Variants in KDM5A observed in about 807,000 individuals in gnomAD.
KDM5A encodes the protein lysine-specific demethylase 5A.
In KDM5A, 42 loss-of-function variants were observed where a neutral mutation model predicts 193.5. That is an observed-to-expected ratio of 0.22 (90% CI 0.17 to 0.28). KDM5A has a LOEUF of 0.28. Ranked by LOEUF, KDM5A falls within the 10% of genes least tolerant of loss-of-function variation. The pLI, the probability that KDM5A is intolerant of heterozygous loss-of-function variation, is 1.00. For synonymous variants in KDM5A, 796 were observed against 718.1 expected (o/e 1.11, Z -1.73); for missense variants, 1,692 against 2,055.1 (o/e 0.82, Z 3.42).
chr12:389,110 G>C lies in KDM5A; in HGVS notation c.-19C>G, dbSNP rs775709475. 2.2e-5 allele frequency: 35 copies of C among 1,602,744 alleles called. No homozygotes were observed. In the East Asian group the frequency reaches 2.7e-4, roughly 12 times the overall value. ...CCGCCATTGCAACGGCCGGGGGGGGGGGGGGGTCCCCGTGGGGAACCGGTG... is the reference window on the plus strand; with the variant it reads ...CCGCCATTGCAACGGCCGGGGGGGGCGGGGGGTCCCCGTGGGGAACCGGTG... On this transcript the variant is annotated 5_prime_UTR_variant, in exon 1 of 28. Coordinates refer to ENST00000399788, the MANE Select transcript of KDM5A (RefSeq NM_001042603.3).
At chr12:378,841 C>A (rs575477730) in intron 3 of KDM5A, among the ~76,000 whole-genome samples, 1 of 151,994 alleles carries the variant, frequency 6.6e-6, no homozygotes, top group South Asian at 2.1e-4. Flanking sequence ...CGCCTGTAGT[C>A]CCAGCTACGC....
At chr12:352,103 CAAAAAAAAAAAAAAA>C (rs58266653) in intron 9 of KDM5A, 87 bp downstream of exon 9, 15 of 378,764 alleles carry the variant, frequency 4.0e-5, no homozygotes, top group Middle Eastern at 4.8e-4. Context: ...GACTCCGTCT[CAAAAAAAAAAAAAAA>C]AAAAAAAAAA....
intron 24 of KDM5A, among the ~76,000 whole-genome samples, 160 bp from the exon 25 acceptor site, chr12:297,360 G>A (rs1404365315): frequency 6.6e-6 from 1 of 152,158 alleles, no homozygotes; most frequent in African/African-American, 2.4e-5. Flanking sequence ...AATGTCCATT[G>A]GGGAGAAAAA....
In KDM5A at chr12:322,565, A is replaced by T. The variant is rs1454842729; in HGVS notation, c.2278T>A (p.Leu760Met). 1 of 1,611,380 alleles carries T rather than the reference A, an allele frequency of 6.2e-7. No individual in the cohort carries two copies. Among genetic ancestry groups the T allele is most frequent in the Non-Finnish European group, 8.5e-7 (1 of 1,178,782 alleles). The change falls in exon 17 of 28, where the codon TTG becomes ATG. Residue 760 changes from leucine (L) to methionine (M), a missense_variant and splice_region_variant. This residue lies in a region of KDM5A where 965 missense variants were observed against 1,061.0 expected (regional missense o/e 0.91). Transcript: ENST00000399788. ...LSANFNHKKD[L>M]IELRVMLEDA... is the part of the protein sequence containing the mutation. Reference sequence around the variant, plus strand: ...TCCAGCATTACTCGCAATTCAATCAAATCTGTAAAAATTTAAATAAAGAGC... The same window carrying T: ...TCCAGCATTACTCGCAATTCAATCATATCTGTAAAAATTTAAATAAAGAGC...
chr12:330,272 T>C (rs1943850187), intron 13 of KDM5A, among the ~76,000 whole-genome samples: 1 of 152,110 alleles, frequency 6.6e-6, no homozygotes, highest in African/African-American at 2.4e-5. Context: ...CCACATAAAA[T>C]AGAAGTGATT....
intron 20 of KDM5A, among the ~76,000 whole-genome samples, chr12:311,991 A>C (rs868573611): frequency 6.6e-6 from 1 of 152,162 alleles, no homozygotes; most frequent in Non-Finnish European, 1.5e-5. Context: ...CCAAGATCAC[A>C]CCACTGCACT....
In KDM5A at chr12:378,734, G is replaced by A. The variant is rs377614124; in HGVS notation, c.366+5297C>T. 5.9e-5 allele frequency among the ~76,000 whole-genome samples: 9 copies of A among 152,160 alleles called. No homozygotes were observed. The South Asian group carries it at 8.3e-4, about 14-fold the overall frequency. On this transcript the variant is annotated intron_variant, in intron 3 of 27. Coordinates refer to ENST00000399788, the MANE Select transcript of KDM5A (RefSeq NM_001042603.3). ...AGCACTTTGGGAGGCCAAGGCGGGC[G>A]GATCACGAGGTCAGGAGATTGAGAC...
At position 285,518 on chromosome 12, in the gene KDM5A, G is replaced by A. The variant is rs758258839; in HGVS notation, c.5011C>T (p.Pro1671Ser). ...TAGCTCATTATGAAGGAAGGAGGTG[G>A]TGCTGGACCTGGGCTAACTGGCCCC... ...KQGPVSPGPA[P>S]PPSFIMSYKL... is the part of the protein sequence containing the mutation. The change falls in exon 28 of 28, where the codon CCA becomes TCA. Residue 1671 changes from proline (P) to serine (S), a missense_variant. Transcript: ENST00000399788. 2 of 1,614,052 alleles carry A rather than the reference G, an allele frequency of 1.2e-6. No individual in the cohort carries two copies. Among genetic ancestry groups the A allele is most frequent in the South Asian group, 1.1e-5 (1 of 91,080 alleles).
At chr12:302,661 T>C (rs549927260) in intron 24 of KDM5A, among the ~76,000 whole-genome samples, 2 of 152,084 alleles carry the variant, frequency 1.3e-5, no homozygotes, top group East Asian at 3.9e-4. Flanking sequence ...AAAGGCAAAA[T>C]AGACAAATGG....
At chr12:322,904 T>C (rs932037495) in intron 16 of KDM5A, among the ~76,000 whole-genome samples, 178 bp downstream of exon 16, 2 of 152,164 alleles carry the variant, frequency 1.3e-5, no homozygotes, top group Admixed American at 6.5e-5. Flanking sequence ...GCTTTTTCAT[T>C]TCAAACAAGA....
chr12:310,774 C>T lies in KDM5A; in HGVS notation c.3216+111G>A, dbSNP rs1054361427. On this transcript the variant is annotated intron_variant, in intron 21 of 27. Coordinates refer to ENST00000399788, the MANE Select transcript of KDM5A (RefSeq NM_001042603.3). Reference sequence around the variant, plus strand: ...ATTTCAAGTCAACATCTGATATTACCTAGTAAGAATCACTTGTATAATGGT... The same window carrying T: ...ATTTCAAGTCAACATCTGATATTACTTAGTAAGAATCACTTGTATAATGGT... The T allele has an allele frequency of 2.5e-6, 3 of 1,179,694 alleles. No homozygotes were observed. In the African/African-American group the frequency reaches 4.5e-5, roughly 18 times the overall value. 73.1% of individuals were successfully genotyped at this position (1,179,694 alleles called of 1,614,324 possible). A position where few individuals can be genotyped will look rare whatever the true frequency, so the allele number is the denominator to read the frequency against.
intron 10 of KDM5A, among the ~76,000 whole-genome samples, chr12:338,538 T>A (rs1160770922): frequency 6.6e-6 from 1 of 152,202 alleles, no homozygotes; most frequent in Non-Finnish European, 1.5e-5. Context: ...CTGATTTTGT[T>A]TGAATTATTT....
At chr12:336,304 C>T (rs1188535266) in intron 10 of KDM5A, among the ~76,000 whole-genome samples, 3 of 148,546 alleles carry the variant, frequency 2.0e-5, no homozygotes, top group South Asian at 4.2e-4. Context: ...AGCTGTGAGC[C>T]GAGATCATGC....
chr12:356,160 C>T (rs1419252754), intron 6 of KDM5A, among the ~76,000 whole-genome samples: 1 of 152,110 alleles, frequency 6.6e-6, no homozygotes, highest in African/African-American at 2.4e-5. Context: ...CATAAACCAG[C>T]CTTCAGAAAC....
At chr12:317,791 T>C (rs1943666397) in intron 19 of KDM5A, among the ~76,000 whole-genome samples, 1 of 152,178 alleles carries the variant, frequency 6.6e-6, no homozygotes, top group Admixed American at 6.5e-5. Context: ...CCTGTGGGCA[T>C]TCCTGCCCAG....
At chr12:369,942 G>C (rs979561692) in intron 3 of KDM5A, among the ~76,000 whole-genome samples, 19 of 152,152 alleles carry the variant, frequency 1.2e-4, no homozygotes, top group Non-Finnish European at 1.9e-4. Flanking sequence ...GCCAGGATAC[G>C]GCCATGACAA....
Position 280,163 on chromosome 12 carries a change from A to T in KDM5A, c.*5293T>A. 1 of 232,254 alleles carries T rather than the reference A, an allele frequency of 4.3e-6. No homozygotes were observed. Among genetic ancestry groups the T allele is most frequent in the Non-Finnish European group, 8.5e-6 (1 of 117,406 alleles). The allele number at this position is 232,254 out of a possible 1,614,324, so 14.4% of individuals were successfully genotyped here. ...TGAAATTCCAAAATCACTCTAGTTT[A>T]TTCACATAATATAGTATTTGATTCC... On this transcript the variant is annotated 3_prime_UTR_variant, in exon 28 of 28. Transcript: ENST00000399788.
chr12:291,499 T>A (rs929332852), intron 27 of KDM5A, among the ~76,000 whole-genome samples: 1 of 152,180 alleles, frequency 6.6e-6, no homozygotes. Context: ...TTACCTTCCC[T>A]GAGTCCTGGT....
chr12:338,905 C>T (rs1740133932), intron 10 of KDM5A, among the ~76,000 whole-genome samples: 1 of 152,138 alleles, frequency 6.6e-6, no homozygotes, highest in Non-Finnish European at 1.5e-5. Context: ...TTCCGGCAGG[C>T]GCAGTGGCTC....
Sources: allele counts gnomAD v4.1 joint callset (sites outside exome capture counted in the v4.1 genomes callset), GRCh38; gene constraint gnomAD v4.1.1; regional missense constraint gnomAD v4.1.1; transcripts MANE v1.5; gene names NCBI Gene and HGNC (gene_info 2026-07-23, HGNC 2026-07-21).